PMS1: variants seen among roughly 807,000 people sequenced by gnomAD.
The protein encoded by PMS1 is PMS1 protein homolog 1.
A neutral mutation model predicts 93.1 loss-of-function variants in PMS1; 79 were observed. That is an observed-to-expected ratio of 0.85 (90% confidence interval 0.71 to 1.02). PMS1 has a LOEUF of 1.02. PMS1 is among the 50% of genes least tolerant of loss of function. The probability of loss-of-function intolerance (pLI) is 0.00; values close to 1 mark genes in which losing one functional copy is unlikely to be tolerated. For synonymous variants in PMS1, 335 were observed against 363.4 expected (o/e 0.92, Z 0.89); for missense variants, 1,064 against 1,085.3 (o/e 0.98, Z 0.28).
chr2:189,877,589 C>G lies in PMS1; in HGVS notation c.*153C>G, dbSNP rs926844644. On this transcript the variant is annotated 3_prime_UTR_variant, in exon 13 of 13. Transcript: ENST00000441310. Reference sequence around the variant, plus strand: ...TGTTTTTATATTGAAAAAAGTTCCACGTATTGTAGAAAACGTAAATAAACT... The same window carrying G: ...TGTTTTTATATTGAAAAAAGTTCCAGGTATTGTAGAAAACGTAAATAAACT... 3 of 607,782 alleles carry G rather than the reference C, an allele frequency of 4.9e-6. No individual in the cohort carries two copies. Among genetic ancestry groups the G allele is most frequent in the Non-Finnish European group, 8.7e-6 (3 of 344,754 alleles). The allele number at this position is 607,782 out of a possible 1,614,324, so 37.6% of individuals were successfully genotyped here. A position where few individuals can be genotyped will look rare whatever the true frequency, so the allele number is the denominator to read the frequency against.
intron 6 of PMS1, among the ~76,000 whole-genome samples, chr2:189,845,163 A>G (rs994329913): frequency 6.6e-6 from 1 of 151,992 alleles, no homozygotes; most frequent in Non-Finnish European, 1.5e-5. Context: ...CAGCCTCATA[A>G]TTTCTTATGT....
chr2:189,829,001 T>C (rs1188627806), intron 5 of PMS1, among the ~76,000 whole-genome samples: 1 of 152,196 alleles, frequency 6.6e-6, no homozygotes, highest in Non-Finnish European at 1.5e-5. Context: ...GTGTTTTTAA[T>C]CCTGTCCACC....
At chr2:189,837,328 T>C (rs1290804922) in intron 5 of PMS1, among the ~76,000 whole-genome samples, 1 of 151,948 alleles carries the variant, frequency 6.6e-6, no homozygotes, top group Non-Finnish European at 1.5e-5. Flanking sequence ...AGGGTCACAC[T>C]ATGTTGCCCA....
At chr2:189,835,202 T>C (rs912877971) in intron 5 of PMS1, among the ~76,000 whole-genome samples, 6 of 152,250 alleles carry the variant, frequency 3.9e-5, no homozygotes, top group Non-Finnish European at 8.8e-5. Context: ...GCATGTTCTC[T>C]TTCAAGAAAA....
chr2:189,847,721 G>C (rs2054368096), intron 6 of PMS1, among the ~76,000 whole-genome samples: 1 of 152,068 alleles, frequency 6.6e-6, no homozygotes, highest in Non-Finnish European at 1.5e-5. Flanking sequence ...TTGTGGCTGG[G>C]CTTATTCACT....
intron 9 of PMS1, chr2:189,857,313 G>T (rs2055433918): frequency 5.3e-6 from 1 of 187,316 alleles, no homozygotes; most frequent in Admixed American, 5.9e-5. Context: ...AGTTCTAATT[G>T]TATGTCACAG....
intron 2 of PMS1, among the ~76,000 whole-genome samples, chr2:189,793,644 T>G (rs916726413): frequency 6.6e-6 from 1 of 152,214 alleles, no homozygotes; most frequent in African/African-American, 2.4e-5. Flanking sequence ...ATCTTTTTCT[T>G]AAACATTTCT....
At chr2:189,827,958 C>G (rs1170342663) in intron 5 of PMS1, among the ~76,000 whole-genome samples, 3 of 151,892 alleles carry the variant, frequency 2.0e-5, no homozygotes, top group Non-Finnish European at 4.4e-5. Context: ...GAGTCTTGCT[C>G]TGTCACCCAG....
intron 2 of PMS1, among the ~76,000 whole-genome samples, chr2:189,793,628 G>T (rs1322684127): frequency 6.6e-6 from 1 of 152,134 alleles, no homozygotes; most frequent in Non-Finnish European, 1.5e-5. Context: ...TCTTTGGCAG[G>T]CAGACATCTT....
chr2:189,804,690 T>G (rs1011649899), intron 3 of PMS1, among the ~76,000 whole-genome samples: 3 of 152,264 alleles, frequency 2.0e-5, no homozygotes, highest in East Asian at 3.9e-4. Context: ...ATAGACCCAC[T>G]TGGATTCAGA....
At chr2:189,825,187 A>G (rs2052322888) in intron 5 of PMS1, among the ~76,000 whole-genome samples, 1 of 152,176 alleles carries the variant, frequency 6.6e-6, no homozygotes, top group Admixed American at 6.5e-5. Context: ...TCTTGCCAGT[A>G]TGGTTATGTT....
chr2:189,821,691 C>T (rs927165531), intron 5 of PMS1, among the ~76,000 whole-genome samples: 1 of 151,726 alleles, frequency 6.6e-6, no homozygotes, highest in African/African-American at 2.4e-5. Context: ...TGCCTGTAAT[C>T]CCAGCTACTT....
At chr2:189,837,323 C>CTATAA (rs2053473762) in intron 5 of PMS1, among the ~76,000 whole-genome samples, 1 of 151,832 alleles carries the variant, frequency 6.6e-6, no homozygotes, top group Non-Finnish European at 1.5e-5. Context: ...GAAACAGGGT[C>CTATAA]ACACTATGTT....
intron 6 of PMS1, among the ~76,000 whole-genome samples, chr2:189,849,412 A>G (rs989158598): frequency 2.6e-5 from 4 of 152,164 alleles, no homozygotes; most frequent in Non-Finnish European, 5.9e-5. Context: ...AACTTGATTT[A>G]TAGCTACCAA....
In PMS1 at chr2:189,855,110, G is replaced by A. The variant is rs2055172768; in HGVS notation, c.1838G>A (p.Ser613Asn). 6.2e-7 allele frequency: 1 copy of A among 1,613,066 alleles called. No homozygotes were observed. The highest frequency in any genetic ancestry group is 1.3e-5 in the African/African-American group (1 of 74,880). The change falls in exon 9 of 13, where the codon AGT (serine) becomes AAT (asparagine). Residue 613 changes from serine to asparagine, a missense_variant. Physicochemically the swap from Ser to Asn is conservative, Grantham distance 46. Transcript: ENST00000441310. ...LQIEELWKTL[S>N]EEEKLKYEEK... is the part of the protein sequence containing the mutation. Reference sequence around the variant, plus strand: ...ATTGAAGAACTGTGGAAGACATTGAGTGAAGAGGAAAAACTGAAGTAAGTT... The same window carrying A: ...ATTGAAGAACTGTGGAAGACATTGAATGAAGAGGAAAAACTGAAGTAAGTT...
chr2:189,794,474 T>A (rs546037456), intron 2 of PMS1, among the ~76,000 whole-genome samples: 12 of 152,380 alleles, frequency 7.9e-5, no homozygotes, highest in African/African-American at 2.6e-4. Context: ...CTCTCTCCAA[T>A]GTTTTGTATA....
chr2:189,810,535 C>T (rs1233852604), intron 4 of PMS1, among the ~76,000 whole-genome samples: 1 of 152,184 alleles, frequency 6.6e-6, no homozygotes, highest in Non-Finnish European at 1.5e-5. Context: ...TGTGGGCAGA[C>T]ATGACAGATT....
intron 1 of PMS1, among the ~76,000 whole-genome samples, chr2:189,786,839 G>A (rs1442970756): frequency 6.6e-6 from 1 of 152,146 alleles, no homozygotes; most frequent in Non-Finnish European, 1.5e-5. Flanking sequence ...ATCACCTGAG[G>A]TCAGGAGTTT....
chr2:189,875,031 GAA>G (rs201671672), intron 12 of PMS1, among the ~76,000 whole-genome samples: 1 of 148,706 alleles, frequency 6.7e-6, no homozygotes, highest in Non-Finnish European at 1.5e-5. Context: ...AATGGGCTAG[GAA>G]AAAAAAAGAG....
Sources: allele counts gnomAD v4.1 joint callset (sites outside exome capture counted in the v4.1 genomes callset), GRCh38; gene constraint gnomAD v4.1.1; transcripts MANE v1.5; gene names NCBI Gene and HGNC (gene_info 2026-07-23, HGNC 2026-07-21).